The following TSC2 variants were observed in gnomAD, a reference collection of about 807,000 sequenced individuals.
TSC2 encodes the protein tuberin.
TSC2 carries 29 observed loss-of-function variants against 202.2 expected under a neutral mutation model. The observed-to-expected ratio is 0.14, with a 90% confidence interval of 0.11 to 0.20. The LOEUF (loss-of-function observed/expected upper bound fraction) is 0.20, where lower values mean the gene tolerates loss of function less well. Among genes scored for constraint, TSC2 ranks in the 10% least tolerant of loss-of-function variants. The probability of loss-of-function intolerance (pLI) is 1.00; values close to 1 mark genes in which losing one functional copy is unlikely to be tolerated. For synonymous variants in TSC2, 1,349 were observed against 1,044.0 expected, an observed-to-expected ratio of 1.29 and a Z score of -5.63; for missense variants, 2,429 against 2,420.0, an observed-to-expected ratio of 1.00 and a Z score of -0.08.
rs753334357 is a variant in TSC2 at position 2,058,888 on chromosome 16, G to T, written c.975+15G>T. Reference sequence around the variant, plus strand: ...CATTTTACCAGGTAAGGCGGTTTCTGTGTGCAGTGAGCTGGCAGGAACGGG... The same window carrying T: ...CATTTTACCAGGTAAGGCGGTTTCTTTGTGCAGTGAGCTGGCAGGAACGGG... On this transcript the variant is annotated intron_variant, in intron 10 of 41. Transcript: ENST00000219476. 17 of 1,604,846 alleles carry T rather than the reference G, an allele frequency of 1.1e-5. No individual in the cohort carries two copies. The highest frequency in any genetic ancestry group is 1.4e-5 in the Non-Finnish European group (16 of 1,176,222).
chr16:2,060,261 C>CCA lies in TSC2; in HGVS notation c.976-409_976-408insCA, dbSNP rs1596296412. Among the ~76,000 whole-genome samples, 3 of 152,282 alleles carry CCA rather than the reference C, an allele frequency of 2.0e-5. No individual in the cohort carries two copies. The East Asian group carries it at 5.8e-4, about 29-fold the overall frequency. ...GTCCTGGTTTTATAGTGATGAGCTG[C>CCA]GGTGTGGGTCACAGGGCTCTCCTGA... On this transcript the variant is annotated intron_variant, in intron 10 of 41. Coordinates refer to ENST00000219476, the MANE Select transcript of TSC2 (RefSeq NM_000548.5).
chr16:2,085,055 G>C (rs766287249), intron 35 of TSC2, 29 bp downstream of exon 35: 1 of 1,612,454 alleles, frequency 6.2e-7, no homozygotes, highest in Non-Finnish European at 8.5e-7. Flanking sequence ...TCCTGCATCC[G>C]CTGGAGCTGT....
At chr16:2,084,736 C>T (rs779535357) in intron 34 of TSC2, 21 bp downstream of exon 34, 42 of 1,598,396 alleles carry the variant, frequency 2.6e-5, no homozygotes, top group South Asian at 7.7e-5. Flanking sequence ...TGCTTCCGGG[C>T]GGGGCTCCTG....
intron 25 of TSC2, 28 bp from the exon 26 acceptor site, chr16:2,077,570 G>A: frequency 3.7e-6 from 6 of 1,612,268 alleles, no homozygotes; most frequent in Non-Finnish European, 5.1e-6. Flanking sequence ...GCTCTCTGGG[G>A]CGTTGGGGCT....
chr16:2,074,543 T>C (rs2088985179), intron 22 of TSC2, 154 bp downstream of exon 22: 3 of 921,784 alleles, frequency 3.3e-6, no homozygotes, highest in Non-Finnish European at 5.1e-6. Flanking sequence ...CCGGCTGCCA[T>C]GAGTGCTCTC....
In TSC2 at chr16:2,088,266, G is replaced by GAC; in HGVS notation, c.5201_5202insCA (p.Tyr1736SerfsTer91). 1 of 1,613,082 alleles carries GAC rather than the reference G, an allele frequency of 6.2e-7. No individual in the cohort carries two copies. The highest frequency in any genetic ancestry group is 1.1e-5 in the South Asian group (1 of 91,090). On this transcript the variant is annotated frameshift_variant, in exon 41 of 42. Transcript: ENST00000219476. LOFTEE classifies it high-confidence loss of function. ...GCATCATAGCCGCTCCAACCCCACC[G>GAC]ATATCTACCCCTCCAAGTGGATTGC...
At chr16:2,061,349 T>C (rs1200268249) in intron 11 of TSC2, 1 of 283,318 alleles carries the variant, frequency 3.5e-6, no homozygotes, top group Non-Finnish European at 6.9e-6. Flanking sequence ...AGGCCGGGAC[T>C]TCGCCGGGAC....
At chr16:2,087,292 C>A in intron 38 of TSC2, 1 of 349,658 alleles carries the variant, frequency 2.9e-6, no homozygotes, top group Non-Finnish European at 5.6e-6. Context: ...TGTCACAGCA[C>A]GGTCCGGGTG....
At chr16:2,060,950 C>G (rs779595943) in intron 11 of TSC2, 137 bp downstream of exon 11, 156 of 1,111,292 alleles carry the variant, frequency 1.4e-4, no homozygotes, top group Non-Finnish European at 1.9e-4. Flanking sequence ...TGGTGATTCG[C>G]AGTGGCGCTC....
At chr16:2,071,995 C>CAGGT in intron 19 of TSC2, 61 bp downstream of exon 19, 1 of 1,514,034 alleles carries the variant, frequency 6.6e-7, no homozygotes, top group Middle Eastern at 2.3e-4. Flanking sequence ...AGGGAGCTGC[C>CAGGT]ACCTGCCTGC....
intron 36 of TSC2, 48 bp downstream of exon 36, chr16:2,085,370 C>T (rs2090642637): frequency 6.2e-7 from 1 of 1,601,356 alleles, no homozygotes; most frequent in East Asian, 2.2e-5. Context: ...CCAGCTGGGC[C>T]TCAGCCTGCA....
intron 9 of TSC2, among the ~76,000 whole-genome samples, 173 bp downstream of exon 9, chr16:2,057,351 C>T (rs948832364): frequency 2.0e-5 from 3 of 152,184 alleles, no homozygotes; most frequent in East Asian, 1.9e-4. Flanking sequence ...AGCCCCTGTC[C>T]TCTCCTTCCT....
At position 2,071,591 on chromosome 16, in the gene TSC2, A is replaced by G. The variant is rs2151298557; in HGVS notation, c.1921A>G (p.Ser641Gly). 1 of 1,613,418 alleles carries G rather than the reference A, an allele frequency of 6.2e-7. No homozygotes were observed. The highest frequency in any genetic ancestry group is 8.5e-7 in the Non-Finnish European group (1 of 1,180,026). Residue 641 changes from serine (S) to glycine (G), a missense_variant, in exon 18 of 42, where the codon AGC becomes GGC. Physicochemically the swap from Ser to Gly is moderately conservative, Grantham distance 56. Transcript: ENST00000219476. ...LPNKDGVVRFSPYCVCDYMEP... is the reference protein window; with the variant it reads ...LPNKDGVVRFGPYCVCDYMEP... ...CAACAAGGATGGAGTCGTGCGGTTCAGCCCCTACTGCGTCTGCGACTACAT... is the reference window on the plus strand; with the variant it reads ...CAACAAGGATGGAGTCGTGCGGTTCGGCCCCTACTGCGTCTGCGACTACAT...
chr16:2,084,346 C>T lies in TSC2; in HGVS notation c.4124C>T (p.Ser1375Phe), dbSNP rs145476528. The T allele has an allele frequency of 6.2e-7, 1 of 1,612,614 alleles. No individual in the cohort carries two copies. The highest frequency in any genetic ancestry group is 1.1e-5 in the South Asian group (1 of 91,072). The change falls in exon 34 of 42, where the codon TCC (serine) becomes TTC (phenylalanine). Residue 1375 changes from serine to phenylalanine, a missense_variant. By Grantham distance (155) the Ser-to-Phe change is radical. Coordinates refer to ENST00000219476, the MANE Select transcript of TSC2 (RefSeq NM_000548.5). ...GGTGGCCGGCCCTCTGTGGACCTCT[C>T]CTTCCAGCCCTCGCAGCCCCTGAGC... Reference protein sequence around the residue: ...SEGGRPSVDLSFQPSQPLSKS... With the variant: ...SEGGRPSVDLFFQPSQPLSKS...
chr16:2,062,451 G>GAGCGCCGGAGGGGCAGAGGGGC (rs749384252), intron 12 of TSC2, 46 bp from the exon 13 acceptor site: 135 of 1,542,250 alleles, frequency 8.8e-5, no homozygotes, highest in Non-Finnish European at 2.0e-5. Context: ...TGGAGAAGGA[G>GAGCGCCGGAGGGGCAGAGGGGC]AGCGCCGGAG....
chr16:2,085,995 A>G (rs536723056), intron 36 of TSC2, among the ~76,000 whole-genome samples, 198 bp from the exon 37 acceptor site: 29 of 152,270 alleles, frequency 1.9e-4, no homozygotes, highest in African/African-American at 6.3e-4. Context: ...CCGGCCAGGC[A>G]CACACGGGGC....
Position 2,088,655 on chromosome 16 carries a change from G to T in TSC2, c.*45G>T, listed in dbSNP as rs756830558. On this transcript the variant is annotated 3_prime_UTR_variant, in exon 42 of 42. Transcript: ENST00000219476. ...GCACTGGCCTTGGACGGTATTGCCT[G>T]TCAGTGAAATAAATAAAGTCCTGAC... 1.5e-5 allele frequency: 24 copies of T among 1,571,410 alleles called. No individual in the cohort carries two copies. Among genetic ancestry groups the T allele is most frequent in the Non-Finnish European group, 2.1e-5 (24 of 1,165,796 alleles).
intron 16 of TSC2, chr16:2,068,757 C>A (rs2087761269): frequency 6.6e-6 from 1 of 151,180 alleles, no homozygotes; most frequent in African/African-American, 2.4e-5. Context: ...CCTGTAATCC[C>A]AGCTACTCGG....
chr16:2,056,983 G>A, intron 8 of TSC2, 122 bp from the exon 9 acceptor site: 4 of 1,401,590 alleles, frequency 2.9e-6, no homozygotes, highest in South Asian at 1.2e-5. Flanking sequence ...GGGAGGAGAT[G>A]GTGGCGAGCT....
Sources: gnomAD v4.1 joint callset for allele counts (sites outside exome capture counted in the v4.1 genomes callset) on GRCh38, gnomAD v4.1.1 for gene constraint, MANE v1.5 for transcripts, NCBI Gene and HGNC (gene_info 2026-07-23, HGNC 2026-07-21) for gene names.